The following SRGAP3 variants were observed in gnomAD, a reference collection of about 807,000 sequenced individuals.
SRGAP3 encodes SLIT-ROBO Rho GTPase-activating protein 3.
In SRGAP3, 39 loss-of-function variants were observed where a neutral mutation model predicts 121.1. The observed-to-expected ratio is 0.32, with a 90% CI of 0.25 to 0.42. The LOEUF (loss-of-function observed/expected upper bound fraction) is 0.42. Among genes scored for constraint, SRGAP3 ranks in the 10% least tolerant of loss-of-function variants. The pLI is 1.00. For missense variants in SRGAP3, 1,213 were observed against 1,470.6 expected, an observed-to-expected ratio of 0.82 and a Z score of 2.86; for synonymous variants, 601 against 570.0, an observed-to-expected ratio of 1.05 and a Z score of -0.77.
chr3:9,206,817 CA>C (rs1174960930), intron 1 of SRGAP3, among the ~76,000 whole-genome samples: 1 of 152,208 alleles, frequency 6.6e-6, no homozygotes, highest in Non-Finnish European at 1.5e-5. Flanking sequence ...CAGTCTCCTT[CA>C]TCGCACCTAT....
chr3:9,261,773 A>G (rs941068628), intron 3 of SRGAP3, among the ~76,000 whole-genome samples: 9 of 151,874 alleles, frequency 5.9e-5, no homozygotes, highest in African/African-American at 2.2e-4. Context: ...TGGAAAACAC[A>G]CTTCAGGATA....
chr3:9,265,946 A>C (rs1387547689), intron 3 of SRGAP3, among the ~76,000 whole-genome samples: 1 of 152,208 alleles, frequency 6.6e-6, no homozygotes, highest in Non-Finnish European at 1.5e-5. Flanking sequence ...GGCACTATTC[A>C]CGATAGCAAA....
intron 2 of SRGAP3, among the ~76,000 whole-genome samples, chr3:9,327,201 A>G (rs1464541180): frequency 2.0e-5 from 3 of 151,716 alleles, no homozygotes; most frequent in Non-Finnish European, 4.4e-5. Context: ...ACCCTTTACA[A>G]TTTTTTTCTC....
upstream of SRGAP3, among the ~76,000 whole-genome samples, chr3:9,252,252 G>A (rs913900747): frequency 6.6e-6 from 1 of 152,064 alleles, no homozygotes; most frequent in Non-Finnish European, 1.5e-5. Context: ...CCAAGCAGAT[G>A]CTGGTGTTAT....
In SRGAP3 at chr3:9,105,881, C is replaced by T. The variant is rs140254178; in HGVS notation, c.261-1039G>A. Among the ~76,000 whole-genome samples the T allele has an allele frequency of 4.0e-3, 605 of 152,302 alleles. 5 individuals carry two copies. Among genetic ancestry groups the T allele is most frequent in the Non-Finnish European group, 6.2e-3 (422 of 68,028 alleles). On this transcript the variant is annotated intron_variant, in intron 2 of 21. Transcript: ENST00000383836. Reference sequence around the variant, plus strand: ...CTACGGAACATCATAGTTTAGCCTACCCTACCTTAAACGTGCTCAGAACAC... The same window carrying T: ...CTACGGAACATCATAGTTTAGCCTATCCTACCTTAAACGTGCTCAGAACAC...
intron 3 of SRGAP3, among the ~76,000 whole-genome samples, chr3:9,264,172 C>A (rs544435103): frequency 3.4e-4 from 51 of 152,236 alleles, no homozygotes; most frequent in African/African-American, 9.6e-4. Context: ...ATTCAACACC[C>A]CTTCATGCTA....
At chr3:9,202,666 C>T (rs1031852344) in intron 1 of SRGAP3, among the ~76,000 whole-genome samples, 2 of 152,236 alleles carry the variant, frequency 1.3e-5, no homozygotes, top group African/African-American at 4.8e-5. Flanking sequence ...CCCTGGAAAC[C>T]CTCTGTCCAC....
chr3:9,361,604 C>T (rs1300472865), intron 1 of SRGAP3, among the ~76,000 whole-genome samples: 1 of 152,176 alleles, frequency 6.6e-6, no homozygotes, highest in Non-Finnish European at 1.5e-5. Flanking sequence ...AGCTGAGTTC[C>T]TACTCATGAC....
In SRGAP3 at chr3:9,100,458, G is replaced by A. The variant is rs145592996; in HGVS notation, c.423+4222C>T. Reference sequence around the variant, plus strand: ...CACAGAAGGTGACACCGAGGAGGAAGACATGGAGAAGTTACAAAACAGCCT... The same window carrying A: ...CACAGAAGGTGACACCGAGGAGGAAAACATGGAGAAGTTACAAAACAGCCT... On this transcript the variant is annotated intron_variant, in intron 3 of 21. Coordinates refer to ENST00000383836, the MANE Select transcript of SRGAP3 (RefSeq NM_014850.4). Among the ~76,000 whole-genome samples the A allele has an allele frequency of 8.1e-4, 123 of 152,314 alleles. 1 individual carries two copies. The highest frequency in any genetic ancestry group is 1.5e-3 in the Non-Finnish European group (101 of 68,034).
intron 1 of SRGAP3, among the ~76,000 whole-genome samples, chr3:9,232,203 ACTTT>A (rs929091700): frequency 1.3e-5 from 2 of 152,120 alleles, no homozygotes; most frequent in Non-Finnish European, 2.9e-5. Context: ...TGCAGGTGTC[ACTTT>A]CTTTCTTTTA....
rs116196412 is a variant in SRGAP3, at chr3:9,075,292, A to G, written c.486+4733T>C. ...GATATATGTGTGCGCACGCTTGCAT[A>G]TATGTGTATGTACATACAAGCACGT... On this transcript the variant is annotated intron_variant, in intron 4 of 21. Coordinates refer to ENST00000383836, the MANE Select transcript of SRGAP3 (RefSeq NM_014850.4). 2.4e-3 allele frequency among the ~76,000 whole-genome samples: 373 copies of G among 152,326 alleles called. 2 individuals are homozygous for G. Among genetic ancestry groups the G allele is most frequent in the African/African-American group, 8.4e-3 (351 of 41,548 alleles).
intron 1 of SRGAP3, among the ~76,000 whole-genome samples, chr3:9,212,888 A>G (rs1952493402): frequency 6.6e-6 from 1 of 152,220 alleles, no homozygotes; most frequent in Non-Finnish European, 1.5e-5. Flanking sequence ...GTGAAGACAG[A>G]GCCTCCCGGG....
At chr3:9,125,057 G>A (rs567968978) in intron 1 of SRGAP3, 140 bp from the exon 2 acceptor site, 2 of 941,492 alleles carry the variant, frequency 2.1e-6, no homozygotes, top group Non-Finnish European at 3.3e-6. Flanking sequence ...CCCAGCCAGA[G>A]CTCAGACCTT....
chr3:9,250,688 C>A (rs975590350), upstream of SRGAP3, among the ~76,000 whole-genome samples: 13 of 152,098 alleles, frequency 8.5e-5, no homozygotes, highest in Non-Finnish European at 1.9e-4. Context: ...TTATATCCCC[C>A]AACAACCTAA....
At position 8,985,404 on chromosome 3, in the gene SRGAP3, G is replaced by T. The variant is rs1009892038; in HGVS notation, c.*115C>A. 107 of 1,524,988 alleles carry T rather than the reference G, an allele frequency of 7.0e-5. No homozygotes were observed. In the South Asian group the frequency reaches 9.1e-4, roughly 13 times the overall value. The allele number at this position is 1,524,988 out of a possible 1,614,324, so 94.5% of individuals were successfully genotyped here. A position where few individuals can be genotyped will look rare whatever the true frequency, so the allele number is the denominator to read the frequency against. On this transcript the variant is annotated 3_prime_UTR_variant, in exon 22 of 22. Transcript: ENST00000383836. This position sits in a 1 kb window ranked among gnomAD's most constrained non-coding sequence, Gnocchi z 5.1. ...AGCTCTGCACAGACACACCCTCCCA[G>T]ACGGACCTCTGCCCTCCAAGGCCAG... is the stretch of plus-strand genomic sequence containing the variant.
rs1948350649 is a variant in SRGAP3, at chr3:9,104,703, C to T, written c.400G>A (p.Asp134Asn). The T allele has an allele frequency of 3.1e-6, 5 of 1,614,074 alleles. No homozygotes were observed. Among genetic ancestry groups the T allele is most frequent in the Non-Finnish European group, 4.2e-6 (5 of 1,180,040 alleles). Reference protein sequence around the residue: ...VIVRLSQISEDVIRLFKKSKE... With the variant: ...VIVRLSQISENVIRLFKKSKE... ...ACCTTTTTGAAGAGTCTGATGACAT[C>T]CTCACTGATCTGGGAGAGGCGGACG... The change falls in exon 3 of 22, where the codon GAT (aspartate) becomes AAT (asparagine). Residue 134 changes from aspartate to asparagine, a missense_variant. By Grantham distance (23) the Asp-to-Asn change is conservative (BLOSUM62 1). This residue lies in a region of SRGAP3 where 793 missense variants were observed against 1,032.9 expected (regional missense o/e 0.77). Transcript: ENST00000383836.
intron 1 of SRGAP3, among the ~76,000 whole-genome samples, chr3:9,216,436 C>G (rs1952629756): frequency 6.6e-6 from 1 of 152,232 alleles, no homozygotes; most frequent in South Asian, 2.1e-4. Flanking sequence ...CCCTGTGGAG[C>G]AGCCACAGCC....
chr3:9,131,401 G>T (rs1282069921), intron 1 of SRGAP3, among the ~76,000 whole-genome samples: 1 of 151,230 alleles, frequency 6.6e-6, no homozygotes, highest in African/African-American at 2.4e-5. Context: ...ATAGACAGGG[G>T]CATGAGGCCC....
intron 19 of SRGAP3, among the ~76,000 whole-genome samples, chr3:8,993,295 T>G (rs1018462593): frequency 2.0e-5 from 3 of 152,196 alleles, no homozygotes; most frequent in African/African-American, 7.2e-5. Flanking sequence ...TCCTCCTTTT[T>G]TCTCTTCTAG....
Sources: allele counts gnomAD v4.1 joint callset (sites outside exome capture counted in the v4.1 genomes callset), GRCh38; gene constraint gnomAD v4.1.1; regional missense constraint gnomAD v4.1.1; non-coding constraint Gnocchi (gnomAD v3.1); transcripts MANE v1.5; gene names NCBI Gene and HGNC (gene_info 2026-07-23, HGNC 2026-07-21).